Variants in LATS2 observed in about 807,000 individuals in gnomAD.
LATS2 encodes the protein serine/threonine-protein kinase LATS2.
Under a neutral mutation model 76.0 loss-of-function variants are expected in LATS2, and 24 were observed. The observed-to-expected ratio is 0.32, with a 90% CI of 0.23 to 0.44. The LOEUF (loss-of-function observed/expected upper bound fraction) is 0.44. Ranked by LOEUF, LATS2 falls within the 20% of genes least tolerant of loss-of-function variation. The probability of loss-of-function intolerance (pLI) is 1.00; values close to 1 mark genes in which losing one functional copy is unlikely to be tolerated. For missense variants in LATS2, 1,286 were observed against 1,481.2 expected, an observed-to-expected ratio of 0.87 and a Z score of 2.16; for synonymous variants, 692 against 635.4, an observed-to-expected ratio of 1.09 and a Z score of -1.34.
rs776575412 is a variant in LATS2, at chr13:20,975,207, T to G, written c.2930A>C (p.Asp977Ala). The G allele has an allele frequency of 6.2e-7, 1 of 1,613,956 alleles. No individual in the cohort carries two copies. Among genetic ancestry groups the G allele is most frequent in the Admixed American group, 1.7e-5 (1 of 59,992 alleles). ...CTGCTTCCGGATGTCACTGGAGAAG[T>G]CAATGGCGCTGAAGAAGGGGTGGGC... ...LKAHPFFSAIDFSSDIRKQPA... is the reference protein window; with the variant it reads ...LKAHPFFSAIAFSSDIRKQPA... Residue 977 changes from aspartate (D) to alanine (A), a missense_variant, in exon 8 of 8, where the codon GAC becomes GCC. Asp to Ala is a moderately radical substitution (Grantham distance 126). This residue lies in a region of LATS2 where 210 missense variants were observed against 234.9 expected (regional missense o/e 0.89). Transcript: ENST00000382592.
intron 1 of LATS2, 49 bp from the exon 2 acceptor site, chr13:21,046,279 G>A (rs958677543): frequency 1.5e-5 from 6 of 401,188 alleles, no homozygotes; most frequent in Admixed American, 1.2e-4. Flanking sequence ...TCATTTTCAC[G>A]CAACGTTAAT....
intron 1 of LATS2, among the ~76,000 whole-genome samples, chr13:21,057,116 A>G (rs1275677703): frequency 6.6e-6 from 1 of 152,208 alleles, no homozygotes; most frequent in African/African-American, 2.4e-5. Flanking sequence ...TCACTATTCC[A>G]AACAGAGGCC....
intron 2 of LATS2, among the ~76,000 whole-genome samples, chr13:21,012,548 G>T (rs1459064914): frequency 6.6e-6 from 1 of 152,182 alleles, no homozygotes; most frequent in East Asian, 1.9e-4. Flanking sequence ...TTTATTACCA[G>T]GTGTTTCATT....
chr13:20,976,257 G>A (rs1487157400), intron 7 of LATS2, among the ~76,000 whole-genome samples: 5 of 152,158 alleles, frequency 3.3e-5, no homozygotes, highest in Admixed American at 6.5e-5. Flanking sequence ...ATGGGACAGC[G>A]GATAAGGCAT....
intron 2 of LATS2, among the ~76,000 whole-genome samples, chr13:21,012,516 C>T (rs1416392882): frequency 6.6e-6 from 1 of 152,220 alleles, no homozygotes; most frequent in Non-Finnish European, 1.5e-5. Flanking sequence ...CCCGAAACAT[C>T]GTTATGCGGC....
chr13:21,026,361 T>C (rs1016452884), intron 2 of LATS2, among the ~76,000 whole-genome samples: 4 of 152,070 alleles, frequency 2.6e-5, no homozygotes, highest in Admixed American at 2.6e-4. Flanking sequence ...AATAAAACTG[T>C]GCAGTATGTA....
intron 2 of LATS2, among the ~76,000 whole-genome samples, chr13:21,001,371 T>C (rs967956425): frequency 1.3e-5 from 2 of 152,200 alleles, no homozygotes; most frequent in African/African-American, 4.8e-5. Flanking sequence ...CTCCCATCCC[T>C]GTATGTACGG....
chr13:21,040,392 G>A (rs28755771), intron 2 of LATS2, among the ~76,000 whole-genome samples: 3,523 of 145,640 alleles, frequency 0.024, 128 homozygotes, highest in African/African-American at 0.086. Flanking sequence ...AAAAAAAAAA[G>A]AAAGAAAAAG....
At position 20,983,645 on chromosome 13, in the gene LATS2, C is replaced by T; in HGVS notation, c.2061G>A (p.Lys687=). The T allele has an allele frequency of 3.7e-6, 6 of 1,614,088 alleles. No individual in the cohort carries two copies. The highest frequency in any genetic ancestry group is 1.1e-5 in the South Asian group (1 of 91,078). Residue 687 remains lysine (K), a synonymous_variant, in exon 5 of 8, where the codon AAG becomes AAA. Coordinates refer to ENST00000382592, the MANE Select transcript of LATS2 (RefSeq NM_014572.3). ...TGGCGTACAGGGCGTGAGTGTCCAC[C>T]TTACAAGCAAGGCACACTTCTCCAA... The part of the protein sequence containing the change: ...GAFGEVCLAC[K]VDTHALYAMK...
At chr13:20,992,106 C>T (rs1228926936) in intron 2 of LATS2, among the ~76,000 whole-genome samples, 4 of 152,104 alleles carry the variant, frequency 2.6e-5, no homozygotes, top group East Asian at 3.9e-4. Flanking sequence ...TCCTTCCACC[C>T]GAAAGATGAG....
At chr13:21,055,072 A>G (rs1014816969) in intron 1 of LATS2, among the ~76,000 whole-genome samples, 1 of 152,224 alleles carries the variant, frequency 6.6e-6, no homozygotes, top group Non-Finnish European at 1.5e-5. Context: ...ATAGAGAATG[A>G]AAGCATTTTT....
chr13:21,033,098 T>G (rs1195007428), intron 2 of LATS2, among the ~76,000 whole-genome samples: 3 of 147,904 alleles, frequency 2.0e-5, no homozygotes, highest in African/African-American at 2.5e-5. Flanking sequence ...TAGAGCAGGG[T>G]GTTAGCAGCA....
rs766801338 is a variant in LATS2 at position 20,991,252 on chromosome 13, T to C, written c.475+20A>G. The C allele has an allele frequency of 2.5e-6, 4 of 1,614,024 alleles. No individual in the cohort carries two copies. Among genetic ancestry groups the C allele is most frequent in the Admixed American group, 3.3e-5 (2 of 60,014 alleles). On this transcript the variant is annotated intron_variant, in intron 3 of 7. Coordinates refer to ENST00000382592, the MANE Select transcript of LATS2 (RefSeq NM_014572.3). The surrounding 1 kb of genome is among the most constrained non-coding windows in gnomAD (Gnocchi z 4.9). ...AGCCACAAACCATCTTTGCCCACTA[T>C]GCTGCAGGCCTGGGCTCACCTGGGG...
chr13:21,010,191 C>T (rs1871530995), intron 2 of LATS2, among the ~76,000 whole-genome samples: 2 of 62,050 alleles, frequency 3.2e-5, no homozygotes, highest in East Asian at 7.8e-4. Context: ...TGGAGCTAGA[C>T]TCTGTCAAAA....
chr13:20,995,901 C>T (rs988362503), intron 2 of LATS2, among the ~76,000 whole-genome samples: 4 of 152,194 alleles, frequency 2.6e-5, no homozygotes. Flanking sequence ...GGTAGGCTAA[C>T]AAGACTTTGA....
At position 20,973,981 on chromosome 13, in the gene LATS2, C is replaced by CG. The variant is rs547093503; in HGVS notation, c.*888_*889insC. ...GACAAATGTTTCAGTTCCCCCCCCC[C>CG]AAAGAATCCAATCACAACCAAGACA... On this transcript the variant is annotated 3_prime_UTR_variant, in exon 8 of 8. Coordinates refer to ENST00000382592, the MANE Select transcript of LATS2 (RefSeq NM_014572.3). 5.1e-6 allele frequency: 1 copy of CG among 195,888 alleles called. No individual in the cohort carries two copies. Among genetic ancestry groups the CG allele is most frequent in the African/African-American group, 2.5e-5 (1 of 40,488 alleles). 12.1% of individuals were successfully genotyped at this position (195,888 alleles called of 1,614,324 possible).
intron 2 of LATS2, among the ~76,000 whole-genome samples, chr13:21,006,478 C>G (rs1462535932): frequency 6.6e-6 from 1 of 152,142 alleles, no homozygotes; most frequent in Non-Finnish European, 1.5e-5. Flanking sequence ...CTAACTTGTG[C>G]CACAATTGAG....
intron 3 of LATS2, 39 bp from the exon 4 acceptor site, chr13:20,989,343 T>A: frequency 6.2e-7 from 1 of 1,607,362 alleles, no homozygotes; most frequent in South Asian, 1.1e-5. Context: ...TCAGAGTGGG[T>A]GTGATCAGTG....
rs746807536 is a variant in LATS2, at chr13:20,992,593, G to A, written c.343-1189C>T. ...TGGCTGTGGGACAAGGGCAAAAACAGGCAAAGGCCACAAAAAGGGCTTCAG... is the reference window on the plus strand; with the variant it reads ...TGGCTGTGGGACAAGGGCAAAAACAAGCAAAGGCCACAAAAAGGGCTTCAG... On this transcript the variant is annotated intron_variant, in intron 2 of 7. Coordinates refer to ENST00000382592, the MANE Select transcript of LATS2 (RefSeq NM_014572.3). Among the ~76,000 whole-genome samples, 31 of 152,180 alleles carry A rather than the reference G, an allele frequency of 2.0e-4. 1 individual carries two copies. Among genetic ancestry groups the A allele is most frequent in the Non-Finnish European group, 2.4e-4 (16 of 68,026 alleles).
Sources: gnomAD v4.1 joint callset for allele counts (sites outside exome capture counted in the v4.1 genomes callset) on GRCh38, gnomAD v4.1.1 for gene constraint, gnomAD v4.1.1 regional missense constraint, Gnocchi (gnomAD v3.1) non-coding constraint, MANE v1.5 for transcripts, NCBI Gene and HGNC (gene_info 2026-07-23, HGNC 2026-07-21) for gene names.